C12orf42: variants seen among roughly 807,000 people sequenced by gnomAD.
C12orf42 encodes the protein uncharacterized protein C12orf42.
In C12orf42, 25 loss-of-function variants were observed where a neutral mutation model predicts 21.6. The ratio of observed to expected loss-of-function variants is 1.16; its 90% CI spans 0.84 to 1.62. C12orf42 has a LOEUF of 1.62. C12orf42 is among the 40% of genes most tolerant of loss of function. C12orf42 has a pLI of 0.00. For missense variants in C12orf42, 483 were observed against 459.3 expected (o/e 1.05, Z -0.47); for synonymous variants, 174 against 175.0 (o/e 0.99, Z 0.05).
chr12:103,172,745 C>T, the C12orf42 span, among the ~76,000 whole-genome samples: 2 of 152,144 alleles, frequency 1.3e-5, no homozygotes, highest in African/African-American at 4.8e-5. Context: ...CCAACAGTTT[C>T]AGATGTTTTT....
chr12:103,485,996 C>A (rs1412883292), intron 1 of C12orf42, among the ~76,000 whole-genome samples: 1 of 152,198 alleles, frequency 6.6e-6, no homozygotes, highest in African/African-American at 2.4e-5. Context: ...CTGGCCAGAA[C>A]TTCCAACACT....
At chr12:103,143,589 C>T in the C12orf42 span, among the ~76,000 whole-genome samples, 18 of 152,316 alleles carry the variant, frequency 1.2e-4, no homozygotes, top group Admixed American at 1.2e-3. Flanking sequence ...TCATGGCAGA[C>T]TTTTAAGGCC....
upstream of C12orf42, among the ~76,000 whole-genome samples, chr12:103,496,172 C>T (rs903637302): frequency 2.0e-5 from 3 of 152,156 alleles, no homozygotes; most frequent in African/African-American, 7.2e-5. Flanking sequence ...ATGAATGGCA[C>T]CTGTTCTTCC....
chr12:103,067,285 G>T, the C12orf42 span, among the ~76,000 whole-genome samples: 17 of 152,162 alleles, frequency 1.1e-4, no homozygotes, highest in Non-Finnish European at 2.2e-4. Flanking sequence ...CCACTGTCAT[G>T]GTATTCCACA....
At chr12:103,401,723 CA>C (rs1351216024) in intron 2 of C12orf42, 48 bp from the exon 3 acceptor site, 1 of 1,540,262 alleles carries the variant, frequency 6.5e-7, no homozygotes, top group Non-Finnish European at 9.0e-7. Flanking sequence ...ATAATTCTTA[CA>C]AAGAAACATT....
At chr12:103,195,705 T>C in the C12orf42 span, among the ~76,000 whole-genome samples, 1 of 151,996 alleles carries the variant, frequency 6.6e-6, no homozygotes, top group Non-Finnish European at 1.5e-5. Flanking sequence ...AGATGTATGG[T>C]TTGCAAATAT....
the C12orf42 span, among the ~76,000 whole-genome samples, chr12:103,533,942 G>A: frequency 3.3e-5 from 5 of 152,108 alleles, no homozygotes; most frequent in Admixed American, 6.5e-5. Flanking sequence ...TCTAAGCCTC[G>A]GTTTCCTCAT....
the C12orf42 span, among the ~76,000 whole-genome samples, chr12:103,210,635 A>ATTTCTTTTTTTTTTTTTTTTTT: frequency 1.1e-3 from 44 of 41,546 alleles, no homozygotes; most frequent in East Asian, 1.6e-3. Flanking sequence ...AACACCCTCT[A>ATTTCTTTTTTTTTTTTTTTTTT]TTTCTTTTTT....
downstream of C12orf42, among the ~76,000 whole-genome samples, chr12:103,267,438 A>G (rs897133674): frequency 6.6e-6 from 1 of 152,152 alleles, no homozygotes; most frequent in Admixed American, 6.6e-5. Flanking sequence ...ACATATATGT[A>G]TACATACATA....
chr12:103,228,380 TCACTTAAGGCAAGGACCGGCCATTTA>T, the C12orf42 span, among the ~76,000 whole-genome samples: 1 of 152,104 alleles, frequency 6.6e-6, no homozygotes, highest in African/African-American at 2.4e-5. Flanking sequence ...GGTAATGTCA[TCACTTAAGGCAAGGACCGGCCATTTA>T]CACTTCTTTT....
the C12orf42 span, among the ~76,000 whole-genome samples, chr12:103,200,423 A>G: frequency 6.6e-6 from 1 of 152,226 alleles, no homozygotes; most frequent in Non-Finnish European, 1.5e-5. Flanking sequence ...TATAGCACCT[A>G]AAGTTAACAA....
chr12:103,107,395 C>T, the C12orf42 span, among the ~76,000 whole-genome samples: 1 of 151,716 alleles, frequency 6.6e-6, no homozygotes, highest in Admixed American at 6.6e-5. Flanking sequence ...GTCAAAAAGC[C>T]CCAGAAAATC....
chr12:103,064,829 T>C, the C12orf42 span, among the ~76,000 whole-genome samples: 4 of 152,178 alleles, frequency 2.6e-5, no homozygotes, highest in Non-Finnish European at 4.4e-5. Context: ...CAAAACATCA[T>C]TGTGATCCTC....
At chr12:103,137,077 A>C in the C12orf42 span, among the ~76,000 whole-genome samples, 1 of 152,218 alleles carries the variant, frequency 6.6e-6, no homozygotes. Context: ...CAATCAAGAG[A>C]GTTAAGAAAC....
chr12:103,195,568 G>C, the C12orf42 span, among the ~76,000 whole-genome samples: 1 of 152,030 alleles, frequency 6.6e-6, no homozygotes, highest in African/African-American at 2.4e-5. Flanking sequence ...GTTTTCATAT[G>C]CTTGTTGGCT....
the C12orf42 span, among the ~76,000 whole-genome samples, chr12:103,111,628 T>C: frequency 6.6e-6 from 1 of 152,214 alleles, no homozygotes; most frequent in Non-Finnish European, 1.5e-5. Context: ...TTTGATTCTT[T>C]CAGGGCAGCT....
At chr12:103,159,178 T>C in the C12orf42 span, among the ~76,000 whole-genome samples, 728 of 152,282 alleles carry the variant, frequency 4.8e-3, 3 homozygotes, top group Non-Finnish European at 8.0e-3. Context: ...TTTTAAAGTA[T>C]ACATAAAGGC....
chr12:103,315,258 A>G (rs1254927617), intron 4 of C12orf42, among the ~76,000 whole-genome samples: 1 of 152,234 alleles, frequency 6.6e-6, no homozygotes, highest in Non-Finnish European at 1.5e-5. Flanking sequence ...AAATTCAGAT[A>G]TGACATGGAT....
At chr12:103,326,922 T>C (rs1409264401) in intron 4 of C12orf42, among the ~76,000 whole-genome samples, 2 of 152,250 alleles carry the variant, frequency 1.3e-5, no homozygotes, top group Non-Finnish European at 2.9e-5. Flanking sequence ...TTGGCATTTT[T>C]GTTTACTGCC....
Sources: allele counts gnomAD v4.1 joint callset (sites outside exome capture counted in the v4.1 genomes callset), GRCh38; gene constraint gnomAD v4.1.1; transcripts MANE v1.5; gene names NCBI Gene and HGNC (gene_info 2026-07-23, HGNC 2026-07-21).